The following ZNF423 variants were observed in gnomAD, a reference collection of about 807,000 sequenced individuals.
ZNF423 encodes Ebf-associated zinc finger protein.
Under a neutral mutation model 95.8 loss-of-function variants are expected in ZNF423, and 12 were observed. That is an observed-to-expected ratio of 0.13 (90% CI 0.08 to 0.20). The LOEUF is 0.20. ZNF423 is among the 10% of genes least tolerant of loss of function. The pLI, the probability that ZNF423 is intolerant of heterozygous loss-of-function variation, is 1.00. For missense variants in ZNF423, 1,316 were observed against 1,737.1 expected (o/e 0.76, Z 4.31); for synonymous variants, 749 against 711.9 (o/e 1.05, Z -0.83).
chr16:49,724,366 C>A (rs1244353635), intron 3 of ZNF423, among the ~76,000 whole-genome samples: 1 of 152,192 alleles, frequency 6.6e-6, no homozygotes, highest in Non-Finnish European at 1.5e-5. Context: ...TGTGCTCAAG[C>A]CCCTAGCCTT....
intron 5 of ZNF423, among the ~76,000 whole-genome samples, chr16:49,613,517 T>G (rs891225914): frequency 1.7e-4 from 26 of 152,200 alleles, no homozygotes; most frequent in African/African-American, 6.0e-4. Flanking sequence ...CATAGTGAGA[T>G]CCTTCTCCAC....
intron 4 of ZNF423, among the ~76,000 whole-genome samples, chr16:49,630,145 G>T (rs1298373409): frequency 6.6e-6 from 1 of 152,152 alleles, no homozygotes; most frequent in Non-Finnish European, 1.5e-5. Flanking sequence ...TCGGGGGCAG[G>T]GTGGAGAGAA....
At chr16:49,846,130 C>G (rs1176322605) in intron 1 of ZNF423, among the ~76,000 whole-genome samples, 2 of 151,880 alleles carry the variant, frequency 1.3e-5, no homozygotes, top group Non-Finnish European at 2.9e-5. Flanking sequence ...GGTGAAACTC[C>G]ATCTCTAATA....
At chr16:49,515,198 CA>C (rs1968086465) in intron 7 of ZNF423, among the ~76,000 whole-genome samples, 1 of 152,244 alleles carries the variant, frequency 6.6e-6, no homozygotes, top group South Asian at 2.1e-4. Context: ...TGCAGCCTGG[CA>C]AACGTGGCCA....
intron 3 of ZNF423, among the ~76,000 whole-genome samples, chr16:49,713,589 G>C (rs2032611470): frequency 6.6e-6 from 1 of 152,108 alleles, no homozygotes; most frequent in African/African-American, 2.4e-5. Flanking sequence ...CCCACTCCTG[G>C]ACAGCTCCCC....
intron 1 of ZNF423, among the ~76,000 whole-genome samples, chr16:49,805,901 C>T (rs1004966261): frequency 6.6e-6 from 1 of 152,280 alleles, no homozygotes; most frequent in African/African-American, 2.4e-5. Flanking sequence ...GTGCCCCCAG[C>T]CAGTCCATCC....
intron 3 of ZNF423, among the ~76,000 whole-genome samples, chr16:49,676,094 C>CT (rs2031035100): frequency 6.6e-6 from 1 of 152,218 alleles, no homozygotes; most frequent in South Asian, 2.1e-4. Flanking sequence ...TAAACACTTG[C>CT]TGCATGAGGG....
intron 3 of ZNF423, among the ~76,000 whole-genome samples, chr16:49,666,362 C>T (rs1000241209): frequency 6.6e-6 from 1 of 152,178 alleles, no homozygotes; most frequent in Non-Finnish European, 1.5e-5. Flanking sequence ...AACACACCTA[C>T]GACATACAGC....
chr16:49,660,326 G>A (rs952583936), intron 3 of ZNF423, among the ~76,000 whole-genome samples: 2 of 152,184 alleles, frequency 1.3e-5, no homozygotes, highest in Non-Finnish European at 2.9e-5. Context: ...CCAGGGCTTC[G>A]TCTAAAGGAG....
chr16:49,851,515 T>C (rs1440831655), intron 1 of ZNF423, among the ~76,000 whole-genome samples: 1 of 152,222 alleles, frequency 6.6e-6, no homozygotes, highest in African/African-American at 2.4e-5. Context: ...CCCCAGCCTT[T>C]CGTCTCCAGC....
intron 1 of ZNF423, among the ~76,000 whole-genome samples, chr16:49,831,120 G>A (rs1451025487): frequency 1.3e-5 from 2 of 152,142 alleles, no homozygotes; most frequent in Non-Finnish European, 2.9e-5. Flanking sequence ...CCTGGCCAGA[G>A]CCAGAGCAGT....
chr16:49,767,414 C>T (rs2033950484), intron 2 of ZNF423, among the ~76,000 whole-genome samples: 1 of 152,130 alleles, frequency 6.6e-6, no homozygotes, highest in Non-Finnish European at 1.5e-5. Context: ...GCATCAGGTA[C>T]AAAAAGACCA....
intron 5 of ZNF423, among the ~76,000 whole-genome samples, chr16:49,582,799 GA>G (rs1203895232): frequency 1.3e-5 from 2 of 152,072 alleles, no homozygotes; most frequent in African/African-American, 2.4e-5. Context: ...CTATGTTGAT[GA>G]AAAAAACACT....
intron 1 of ZNF423, among the ~76,000 whole-genome samples, chr16:49,811,033 G>A (rs1050269982): frequency 1.3e-5 from 2 of 152,178 alleles, no homozygotes; most frequent in Non-Finnish European, 2.9e-5. Context: ...AGAGGGGCAG[G>A]CTCAGGGGGC....
chr16:49,780,582 C>G (rs540300892), intron 2 of ZNF423: 2 of 152,398 alleles, frequency 1.3e-5, no homozygotes, highest in South Asian at 4.1e-4. Context: ...CTCCAGTCAC[C>G]ACCTGACGAT....
intron 5 of ZNF423, among the ~76,000 whole-genome samples, chr16:49,609,508 A>C (rs1222379520): frequency 6.6e-6 from 1 of 152,234 alleles, no homozygotes; most frequent in Non-Finnish European, 1.5e-5. Flanking sequence ...AGTCCAGCAA[A>C]GACCTAGATA....
chr16:49,782,642 A>G (rs2034231731), intron 2 of ZNF423, among the ~76,000 whole-genome samples: 1 of 152,190 alleles, frequency 6.6e-6, no homozygotes, highest in Admixed American at 6.5e-5. Context: ...TGTGTCAGCA[A>G]ACTGTGTCCT....
upstream of ZNF423, among the ~76,000 whole-genome samples, chr16:49,856,677 G>A (rs1460917887): frequency 6.7e-6 from 1 of 149,426 alleles, no homozygotes; most frequent in Admixed American, 6.6e-5. Flanking sequence ...GCCCCCCGGA[G>A]GAGGAAGGGG....
At chr16:49,520,546 G>A (rs1405024851) in intron 7 of ZNF423, among the ~76,000 whole-genome samples, 7 of 152,190 alleles carry the variant, frequency 4.6e-5, no homozygotes, top group Non-Finnish European at 8.8e-5. Context: ...CCTAAGCCTA[G>A]AATCTTCTCA....
Sources: gnomAD v4.1 joint callset for allele counts (sites outside exome capture counted in the v4.1 genomes callset) on GRCh38, gnomAD v4.1.1 for gene constraint, MANE v1.5 for transcripts, NCBI Gene and HGNC (gene_info 2026-07-23, HGNC 2026-07-21) for gene names.